DPYD: variants seen among roughly 807,000 people sequenced by gnomAD.
DPYD encodes dihydropyrimidine dehydrogenase.
Under a neutral mutation model 116.2 loss-of-function variants are expected in DPYD, and 109 were observed. The observed-to-expected ratio is 0.94, with a 90% CI of 0.80 to 1.10. The LOEUF is 1.10. DPYD is among the 50% of genes least tolerant of loss of function. DPYD has a pLI of 0.00. For missense variants in DPYD, 1,302 were observed against 1,254.5 expected, an observed-to-expected ratio of 1.04 and a Z score of -0.57; for synonymous variants, 440 against 432.0, an observed-to-expected ratio of 1.02 and a Z score of -0.23.
At chr1:97,837,840 T>C (rs1669843126) in intron 2 of DPYD, among the ~76,000 whole-genome samples, 1 of 152,168 alleles carries the variant, frequency 6.6e-6, no homozygotes, top group Non-Finnish European at 1.5e-5. Flanking sequence ...TAGCAGATAG[T>C]AGGCAAATAG....
At chr1:97,507,816 T>C (rs1378217062) in intron 13 of DPYD, among the ~76,000 whole-genome samples, 1 of 152,134 alleles carries the variant, frequency 6.6e-6, no homozygotes, top group South Asian at 2.1e-4. Flanking sequence ...ACAAGTTTCT[T>C]GGAATCCACA....
At chr1:97,523,045 C>T (rs1322764142) in intron 12 of DPYD, among the ~76,000 whole-genome samples, 1 of 152,130 alleles carries the variant, frequency 6.6e-6, no homozygotes, top group Non-Finnish European at 1.5e-5. Context: ...CCCTCCCTCC[C>T]TTCCCATTGT....
At chr1:97,580,634 A>T (rs554638189) in intron 10 of DPYD, among the ~76,000 whole-genome samples, 1 of 152,156 alleles carries the variant, frequency 6.6e-6, no homozygotes, top group Non-Finnish European at 1.5e-5. Context: ...TCCTAAGCCC[A>T]CTTGTGTGCT....
At chr1:97,747,655 G>C (rs1236909266) in intron 3 of DPYD, among the ~76,000 whole-genome samples, 3 of 152,262 alleles carry the variant, frequency 2.0e-5, no homozygotes, top group East Asian at 3.9e-4. Flanking sequence ...AGCTATGTAT[G>C]TACATAGCAT....
intron 12 of DPYD, chr1:97,547,048 C>T: frequency 8.5e-7 from 1 of 1,170,144 alleles, no homozygotes; most frequent in Non-Finnish European, 1.3e-6. Context: ...AGAAACAGTA[C>T]AGAACTGATG....
rs905203249 is a variant in DPYD at position 97,306,253 on chromosome 1, A to G, written c.2103T>C (p.Ala701=). The G allele has an allele frequency of 6.2e-7, 1 of 1,612,436 alleles. No homozygotes were observed. Among genetic ancestry groups the G allele is most frequent in the Middle Eastern group, 1.6e-4 (1 of 6,068 alleles). Residue 701 remains alanine, a synonymous_variant, in exon 17 of 23, where the codon GCT becomes GCC. Transcript: ENST00000370192. The stretch of plus-strand genomic sequence containing the variant: ...GCTTGGCAAAAAAAGGAATCTGAAC[A>G]GCTTGCCTAACCCAGCGGCAGATGT... The part of the protein sequence containing the change: ...VRNICRWVRQ[A]VQIPFFAKLT...
chr1:97,691,306 T>C (rs577745745), intron 7 of DPYD: 5 of 171,124 alleles, frequency 2.9e-5, no homozygotes, highest in Admixed American at 2.8e-4. Context: ...ACTACTGACA[T>C]GATGAATATA....
chr1:97,228,740 A>C (rs1557955430), intron 19 of DPYD, among the ~76,000 whole-genome samples: 1 of 152,180 alleles, frequency 6.6e-6, no homozygotes, highest in Non-Finnish European at 1.5e-5. Flanking sequence ...GTGAATAGAA[A>C]TCATTAGAAA....
At chr1:97,380,259 G>A (rs1671874748) in intron 15 of DPYD, among the ~76,000 whole-genome samples, 2 of 152,118 alleles carry the variant, frequency 1.3e-5, no homozygotes, top group Non-Finnish European at 2.9e-5. Flanking sequence ...ATACATAGTA[G>A]GTGTTTCATA....
chr1:97,678,166 A>T (rs1431619198), intron 8 of DPYD, among the ~76,000 whole-genome samples: 2 of 152,124 alleles, frequency 1.3e-5, no homozygotes, highest in Non-Finnish European at 2.9e-5. Flanking sequence ...ACAGATTCTC[A>T]TAAGGAGCAT....
At chr1:97,918,233 C>T (rs145758145) in intron 1 of DPYD, among the ~76,000 whole-genome samples, 24 of 152,202 alleles carry the variant, frequency 1.6e-4, no homozygotes, top group Admixed American at 3.3e-4. Flanking sequence ...TTTTTCCCAA[C>T]AAGATGCTGT....
At chr1:97,335,420 A>G (rs1295071935) in intron 16 of DPYD, among the ~76,000 whole-genome samples, 2 of 152,116 alleles carry the variant, frequency 1.3e-5, no homozygotes. Context: ...AGAGCTTCAC[A>G]GATTCCAATA....
At chr1:97,583,195 T>G (rs1390286815) in intron 10 of DPYD, among the ~76,000 whole-genome samples, 3 of 152,160 alleles carry the variant, frequency 2.0e-5, no homozygotes, top group African/African-American at 7.2e-5. Flanking sequence ...GGTCTCGAGC[T>G]CCTGACCTCG....
At chr1:97,656,709 G>T (rs1381309369) in intron 8 of DPYD, among the ~76,000 whole-genome samples, 1 of 151,846 alleles carries the variant, frequency 6.6e-6, no homozygotes, top group African/African-American at 2.4e-5. Flanking sequence ...AGATACACTT[G>T]CATTTGGTCT....
chr1:97,291,210 G>A (rs1398121201), intron 18 of DPYD, among the ~76,000 whole-genome samples: 1 of 152,108 alleles, frequency 6.6e-6, no homozygotes, highest in Non-Finnish European at 1.5e-5. Flanking sequence ...AGGATGTGGA[G>A]AAATAAGAAC....
intron 2 of DPYD, among the ~76,000 whole-genome samples, chr1:97,879,050 A>G (rs1272121720): frequency 6.6e-6 from 1 of 151,964 alleles, no homozygotes; most frequent in Non-Finnish European, 1.5e-5. Flanking sequence ...AAATTCTACT[A>G]AAAGAGCTCT....
intron 13 of DPYD, among the ~76,000 whole-genome samples, chr1:97,487,720 T>C (rs1476389587): frequency 6.6e-6 from 1 of 152,022 alleles, no homozygotes; most frequent in Non-Finnish European, 1.5e-5. Flanking sequence ...TATCATAACA[T>C]GCATAAGAGA....
At chr1:97,384,367 T>A (rs1257910866) in intron 14 of DPYD, among the ~76,000 whole-genome samples, 1 of 151,494 alleles carries the variant, frequency 6.6e-6, no homozygotes, top group Non-Finnish European at 1.5e-5. Flanking sequence ...TCTTTAAAGT[T>A]TTTTTTTTCT....
intron 12 of DPYD, among the ~76,000 whole-genome samples, chr1:97,529,297 T>C (rs567290377): frequency 4.8e-4 from 73 of 152,282 alleles, no homozygotes; most frequent in African/African-American, 1.7e-3. Context: ...ATCAAGTGCA[T>C]TCTATACGGC....
Sources: gnomAD v4.1 joint callset for allele counts (sites outside exome capture counted in the v4.1 genomes callset) on GRCh38, gnomAD v4.1.1 for gene constraint, MANE v1.5 for transcripts, NCBI Gene and HGNC (gene_info 2026-07-23, HGNC 2026-07-21) for gene names.